ZFP1: variants seen among roughly 807,000 people sequenced by gnomAD.
ZFP1 encodes the protein ZFP1 zinc finger protein, also known as zinc finger protein 1 homolog.
A neutral mutation model predicts 38.5 loss-of-function variants in ZFP1; 32 were observed. The ratio of observed to expected loss-of-function variants is 0.83; its 90% CI spans 0.63 to 1.12. ZFP1 has a LOEUF of 1.12. Ranked by LOEUF, ZFP1 falls within the 50% of genes most tolerant of loss-of-function variation. ZFP1 has a pLI of 0.00. For synonymous variants in ZFP1, 245 were observed against 168.8 expected, an observed-to-expected ratio of 1.45 and a Z score of -3.50; for missense variants, 616 against 480.8, an observed-to-expected ratio of 1.28 and a Z score of -2.63.
At chr16:75,158,288 C>G (rs2037568893) in intron 2 of ZFP1, among the ~76,000 whole-genome samples, 1 of 151,716 alleles carries the variant, frequency 6.6e-6, no homozygotes, top group Non-Finnish European at 1.5e-5. Context: ...GGCATGAACA[C>G]AGCTCACTGC....
the ZFP1 span, among the ~76,000 whole-genome samples, chr16:75,139,757 A>G: frequency 6.6e-6 from 1 of 152,160 alleles, no homozygotes; most frequent in African/African-American, 2.4e-5. Context: ...TCATAGAACC[A>G]GGAAGAAGAA....
upstream of ZFP1, among the ~76,000 whole-genome samples, chr16:75,145,494 C>G (rs1195204230): frequency 6.6e-6 from 1 of 152,156 alleles, no homozygotes; most frequent in Non-Finnish European, 1.5e-5. Context: ...TGTACGTTGC[C>G]TTTTCCAAGA....
chr16:75,125,748 A>G, the ZFP1 span, among the ~76,000 whole-genome samples: 3 of 151,708 alleles, frequency 2.0e-5, no homozygotes, highest in East Asian at 2.0e-4. Flanking sequence ...CTCTTAAAGA[A>G]TGAAGGTTTT....
chr16:75,160,225 T>G (rs148317347), intron 2 of ZFP1, among the ~76,000 whole-genome samples: 1 of 152,170 alleles, frequency 6.6e-6, no homozygotes, highest in Non-Finnish European at 1.5e-5. Flanking sequence ...ACTAGGTAAT[T>G]TATAAAGAAC....
At chr16:75,166,105 C>T (rs2038066434) in intron 2 of ZFP1, among the ~76,000 whole-genome samples, 1 of 152,098 alleles carries the variant, frequency 6.6e-6, no homozygotes, top group East Asian at 1.9e-4. Flanking sequence ...CATCTTCTGC[C>T]TTAAAGAGTT....
chr16:75,134,487 T>C, the ZFP1 span, among the ~76,000 whole-genome samples: 2 of 152,004 alleles, frequency 1.3e-5, no homozygotes, highest in South Asian at 2.1e-4. Context: ...CTGGGCGCGG[T>C]GGCTCACACC....
At chr16:75,141,242 G>T in the ZFP1 span, among the ~76,000 whole-genome samples, 1 of 111,872 alleles carries the variant, frequency 8.9e-6, no homozygotes, top group African/African-American at 3.5e-5. Flanking sequence ...TCGCTCTGTC[G>T]CCCAGGCTGG....
the ZFP1 span, among the ~76,000 whole-genome samples, chr16:75,136,115 T>G: frequency 3.3e-5 from 5 of 152,118 alleles, no homozygotes; most frequent in African/African-American, 9.7e-5. Flanking sequence ...CACGCCCAGC[T>G]AAGGCAAATT....
At chr16:75,132,745 C>G in the ZFP1 span, 1 of 148,866 alleles carries the variant, frequency 6.7e-6, no homozygotes, top group Non-Finnish European at 1.5e-5. Context: ...CAACCTCTGC[C>G]TCCTGAGTTC....
At chr16:75,137,907 A>C in the ZFP1 span, among the ~76,000 whole-genome samples, 1 of 152,086 alleles carries the variant, frequency 6.6e-6, no homozygotes, top group African/African-American at 2.4e-5. Flanking sequence ...CAAATAAATA[A>C]ATAAATGATT....
At chr16:75,156,014 T>A (rs986968059) in intron 2 of ZFP1, among the ~76,000 whole-genome samples, 8 of 152,208 alleles carry the variant, frequency 5.3e-5, no homozygotes, top group South Asian at 2.1e-4. Flanking sequence ...ATTTATTTTT[T>A]AAATTACACT....
intron 3 of ZFP1, among the ~76,000 whole-genome samples, chr16:75,168,643 A>G (rs2038237100): frequency 1.3e-5 from 2 of 152,076 alleles, no homozygotes; most frequent in Admixed American, 6.5e-5. Flanking sequence ...ACCATTTGCA[A>G]GATTCTCACT....
intron 3 of ZFP1, among the ~76,000 whole-genome samples, chr16:75,168,952 A>T (rs1328378721): frequency 6.6e-6 from 1 of 152,010 alleles, no homozygotes; most frequent in Non-Finnish European, 1.5e-5. Context: ...CAGCCTTCTC[A>T]TATTGTGTTC....
At position 75,169,139 on chromosome 16, in the gene ZFP1, G is replaced by C. The variant is rs547643687; in HGVS notation, c.143-114G>C. ...GGAATTTTTTAATATTGGGAGACTG[G>C]GTCCCAAACTAAAGAGTCAGCCCTG... On this transcript the variant is annotated intron_variant, in intron 3 of 3. Transcript: ENST00000570010. The C allele has an allele frequency of 6.9e-5, 90 of 1,303,914 alleles. No individual in the cohort carries two copies. The South Asian group carries it at 1.9e-3, about 28-fold the overall frequency. The allele number at this position is 1,303,914 out of a possible 1,614,324, so 80.8% of individuals were successfully genotyped here. A position where few individuals can be genotyped will look rare whatever the true frequency, so the allele number is the denominator to read the frequency against.
At position 75,168,196 on chromosome 16, in the gene ZFP1, C is replaced by G. The variant is rs180938784; in HGVS notation, c.143-1057C>G. 8.3e-4 allele frequency among the ~76,000 whole-genome samples: 125 copies of G among 151,300 alleles called. 1 individual carries two copies. The highest frequency in any genetic ancestry group is 3.0e-3 in the African/African-American group (121 of 40,708). ...GGGATTGCTATGTGAAAGGGTAGTT[C>G]TGAATTATTTGAGAAATCTTCAGAC... is the stretch of plus-strand genomic sequence containing the variant. On this transcript the variant is annotated intron_variant, in intron 3 of 3. Transcript: ENST00000570010.
At chr16:75,126,936 G>C in the ZFP1 span, among the ~76,000 whole-genome samples, 2 of 152,090 alleles carry the variant, frequency 1.3e-5, no homozygotes, top group Non-Finnish European at 2.9e-5. Flanking sequence ...AATGGTGTTT[G>C]GTTTTCTTTG....
At chr16:75,133,487 C>A in the ZFP1 span, among the ~76,000 whole-genome samples, 1 of 152,252 alleles carries the variant, frequency 6.6e-6, no homozygotes, top group East Asian at 1.9e-4. Context: ...AAATTCTTAT[C>A]ATTTAGCTCC....
the ZFP1 span, among the ~76,000 whole-genome samples, chr16:75,130,574 T>C: frequency 4.6e-5 from 7 of 152,146 alleles, no homozygotes; most frequent in Admixed American, 4.6e-4. Flanking sequence ...CCTGAGATCT[T>C]ATTGGGAAGC....
the ZFP1 span, among the ~76,000 whole-genome samples, chr16:75,127,366 G>A: frequency 4.6e-5 from 7 of 152,002 alleles, no homozygotes; most frequent in East Asian, 1.9e-4. Flanking sequence ...TCTTAACTCC[G>A]GCCTGGGCGA....
Sources: gnomAD v4.1 joint callset for allele counts (sites outside exome capture counted in the v4.1 genomes callset) on GRCh38, gnomAD v4.1.1 for gene constraint, MANE v1.5 for transcripts, NCBI Gene and HGNC (gene_info 2026-07-23, HGNC 2026-07-21) for gene names.